Variants in SUGCT observed in about 807,000 individuals in gnomAD.
The protein encoded by SUGCT is succinyl-CoA:glutarate-CoA transferase, also known as succinyl-CoA:glutarate CoA-transferase.
A neutral mutation model predicts 55.0 loss-of-function variants in SUGCT; 41 were observed. The ratio of observed to expected loss-of-function variants is 0.74; its 90% CI spans 0.58 to 0.97. SUGCT has a LOEUF of 0.97. Ranked by LOEUF, SUGCT falls within the 50% of genes least tolerant of loss-of-function variation. SUGCT has a pLI of 0.00. For synonymous variants in SUGCT, 187 were observed against 200.4 expected (o/e 0.93, Z 0.56); for missense variants, 568 against 547.8 (o/e 1.04, Z -0.37).
chr7:40,445,799 C>T (rs1788800006), intron 9 of SUGCT, among the ~76,000 whole-genome samples: 1 of 152,078 alleles, frequency 6.6e-6, no homozygotes, highest in Non-Finnish European at 1.5e-5. Flanking sequence ...TAAATAAATA[C>T]TGTAGCAGTA....
chr7:40,195,797 C>G (rs1264032623), intron 6 of SUGCT, among the ~76,000 whole-genome samples: 1 of 149,484 alleles, frequency 6.7e-6, no homozygotes, highest in Non-Finnish European at 1.5e-5. Context: ...TCACTGCACC[C>G]TCTGCCCCTA....
At chr7:40,829,255 C>T (rs1792527639) in intron 13 of SUGCT, among the ~76,000 whole-genome samples, 1 of 152,170 alleles carries the variant, frequency 6.6e-6, no homozygotes, top group Non-Finnish European at 1.5e-5. Context: ...GCCAGCAATC[C>T]ATAAGGACTG....
intron 12 of SUGCT, among the ~76,000 whole-genome samples, chr7:40,742,478 G>A (rs920747642): frequency 2.0e-5 from 3 of 152,072 alleles, no homozygotes; most frequent in African/African-American, 4.8e-5. Context: ...GCGTCCAACC[G>A]AGATCCCTCA....
chr7:40,662,361 A>G (rs539416494), intron 12 of SUGCT, among the ~76,000 whole-genome samples: 50 of 152,298 alleles, frequency 3.3e-4, no homozygotes, highest in African/African-American at 1.1e-3. Context: ...CTCCCCACAT[A>G]GAAGTCAGAC....
intron 12 of SUGCT, among the ~76,000 whole-genome samples, chr7:40,604,126 G>A (rs565783319): frequency 2.6e-5 from 4 of 152,056 alleles, no homozygotes; most frequent in Non-Finnish European, 4.4e-5. Flanking sequence ...CAGGCTTCTC[G>A]TTTCTGTGCT....
At chr7:40,765,129 C>T (rs562323710) in intron 13 of SUGCT, among the ~76,000 whole-genome samples, 1 of 152,242 alleles carries the variant, frequency 6.6e-6, no homozygotes, top group East Asian at 1.9e-4. Context: ...GTTAATTTCT[C>T]TTCATTTGTA....
At chr7:40,802,055 T>C (rs1187013571) in intron 13 of SUGCT, among the ~76,000 whole-genome samples, 1 of 105,824 alleles carries the variant, frequency 9.4e-6, no homozygotes, top group Non-Finnish European at 2.2e-5. Context: ...GAACAGACTC[T>C]TTTTTTTCCT....
intron 13 of SUGCT, among the ~76,000 whole-genome samples, chr7:40,831,048 CCT>C (rs1563033751): frequency 1.8e-4 from 27 of 152,240 alleles, no homozygotes; most frequent in African/African-American, 6.3e-4. Flanking sequence ...GAAAGCTGAA[CCT>C]TCTAAGAGGT....
At chr7:40,233,897 G>A (rs79931246) in intron 6 of SUGCT, among the ~76,000 whole-genome samples, 3,266 of 152,226 alleles carry the variant, frequency 0.021, 101 homozygotes, top group African/African-American at 0.074. Flanking sequence ...AGATTTAATA[G>A]TTGGCAGAAC....
At chr7:40,613,818 C>T (rs986861157) in intron 12 of SUGCT, among the ~76,000 whole-genome samples, 5 of 152,166 alleles carry the variant, frequency 3.3e-5, no homozygotes, top group African/African-American at 1.2e-4. Flanking sequence ...CCATGTTGGT[C>T]AGGCTGGTCT....
chr7:40,935,204 G>A, the SUGCT span, among the ~76,000 whole-genome samples: 4 of 152,258 alleles, frequency 2.6e-5, no homozygotes, highest in South Asian at 2.1e-4. Context: ...GTATTTTCAT[G>A]TGTTTTATAA....
At chr7:40,206,061 A>G (rs1786958508) in intron 6 of SUGCT, among the ~76,000 whole-genome samples, 1 of 152,220 alleles carries the variant, frequency 6.6e-6, no homozygotes, top group African/African-American at 2.4e-5. Context: ...AATACTAGTT[A>G]ATGTCACAGC....
At chr7:40,614,603 A>G (rs1045083304) in intron 12 of SUGCT, among the ~76,000 whole-genome samples, 3 of 152,168 alleles carry the variant, frequency 2.0e-5, no homozygotes, top group African/African-American at 7.2e-5. Context: ...AAGATTAATG[A>G]GGCCATACCA....
intron 6 of SUGCT, among the ~76,000 whole-genome samples, chr7:40,217,729 A>G (rs1426237893): frequency 1.3e-5 from 2 of 152,172 alleles, no homozygotes; most frequent in Non-Finnish European, 2.9e-5. Context: ...CTGTTGTTTG[A>G]CATGCAGTCT....
At chr7:40,340,278 G>A (rs1796972999) in intron 9 of SUGCT, among the ~76,000 whole-genome samples, 1 of 152,122 alleles carries the variant, frequency 6.6e-6, no homozygotes, top group South Asian at 2.1e-4. Flanking sequence ...GCCTAGGACT[G>A]TGCAGGGATT....
Position 40,209,617 on chromosome 7 carries a change from T to C in SUGCT, c.484+14557T>C, listed in dbSNP as rs112472134. On this transcript the variant is annotated intron_variant, in intron 6 of 13. Transcript: ENST00000335693. ...TTCGAGACCAGCCTGACCAACATGGTGAAAACCTGTCTCTACTAAATACAA... is the reference window on the plus strand; with the variant it reads ...TTCGAGACCAGCCTGACCAACATGGCGAAAACCTGTCTCTACTAAATACAA... Among the ~76,000 whole-genome samples the C allele has an allele frequency of 1.4e-3, 220 of 152,256 alleles. 1 individual carries two copies. The highest frequency in any genetic ancestry group is 4.9e-3 in the African/African-American group (202 of 41,550).
chr7:40,143,159 C>T (rs1685301108), intron 1 of SUGCT, among the ~76,000 whole-genome samples: 1 of 152,124 alleles, frequency 6.6e-6, no homozygotes, highest in African/African-American at 2.4e-5. Flanking sequence ...TGGACTAGAG[C>T]ATAAATACTG....
chr7:41,008,599 G>T, the SUGCT span, among the ~76,000 whole-genome samples: 1 of 151,786 alleles, frequency 6.6e-6, no homozygotes, highest in Non-Finnish European at 1.5e-5. Flanking sequence ...TGCCTGTATC[G>T]CACCTCAAGG....
intron 13 of SUGCT, among the ~76,000 whole-genome samples, chr7:40,798,137 A>G (rs10227384): frequency 0.4 from 60,651 of 151,672 alleles, 12,872 homozygotes; most frequent in Middle Eastern, 0.57. Flanking sequence ...CTGCATATGT[A>G]TATTTCCTAG....
Sources: gnomAD v4.1 joint callset for allele counts (sites outside exome capture counted in the v4.1 genomes callset) on GRCh38, gnomAD v4.1.1 for gene constraint, MANE v1.5 for transcripts, NCBI Gene and HGNC (gene_info 2026-07-23, HGNC 2026-07-21) for gene names.